The following TPM4 variants were observed in gnomAD, a reference collection of about 807,000 sequenced individuals.
TPM4 encodes the protein tropomyosin alpha-4 chain.
In TPM4, 17 loss-of-function variants were observed where a neutral mutation model predicts 35.8. The ratio of observed to expected loss-of-function variants is 0.47; its 90% CI spans 0.32 to 0.71. TPM4 has a LOEUF of 0.71. TPM4 is among the 30% of genes least tolerant of loss of function. The pLI is 0.03. For missense variants in TPM4, 240 were observed against 320.9 expected (o/e 0.75, Z 1.93); for synonymous variants, 120 against 122.9 (o/e 0.98, Z 0.15).
At chr19:16,081,053 C>T (rs2090476569) in intron 1 of TPM4, 1 of 398,592 alleles carries the variant, frequency 2.5e-6, no homozygotes. Context: ...TCCAACGAGG[C>T]TCCCCCGCCT....
chr19:16,085,982 T>C (rs2090545803), intron 2 of TPM4, among the ~76,000 whole-genome samples: 1 of 151,316 alleles, frequency 6.6e-6, no homozygotes, highest in Non-Finnish European at 1.5e-5. Context: ...GACAGGAGAA[T>C]TGCTTGAACC....
At chr19:16,077,859 T>A (rs1200096728) in intron 1 of TPM4, 1 of 282,184 alleles carries the variant, frequency 3.5e-6, no homozygotes, top group Non-Finnish European at 6.5e-6. Flanking sequence ...CCCCCCGAGT[T>A]CAAGAGATTC....
chr19:16,095,532 T>G lies in TPM4; in HGVS notation c.664+1779T>G, dbSNP rs142062733. ...TCTTCATGCCCCCTCATTCTCATTT[T>G]CTCCACTTGCTGCCTTTGAGCTGTA... On this transcript the variant is annotated intron_variant, in intron 7 of 7. Transcript: ENST00000643579. 1.0e-4 allele frequency: 106 copies of G among 1,016,328 alleles called. No homozygotes were observed. The African/African-American group carries it at 1.7e-3, about 17-fold the overall frequency. 63.0% of individuals were successfully genotyped at this position (1,016,328 alleles called of 1,614,324 possible).
At chr19:16,091,092 G>A (rs1005819206) in intron 5 of TPM4, among the ~76,000 whole-genome samples, 7 of 151,992 alleles carry the variant, frequency 4.6e-5, no homozygotes, top group East Asian at 1.9e-4. Flanking sequence ...TTGCTCTGTC[G>A]CCCAGGCTGG....
intron 5 of TPM4, among the ~76,000 whole-genome samples, chr19:16,092,192 G>T (rs55801939): frequency 0.029 from 4,299 of 147,308 alleles, 263 homozygotes; most frequent in Admixed American, 0.16. Flanking sequence ...AAAAAAAAAA[G>T]AAAAGAAAAG....
chr19:16,084,554 A>T (rs2090524656), intron 2 of TPM4, among the ~76,000 whole-genome samples: 1 of 152,250 alleles, frequency 6.6e-6, no homozygotes, highest in African/African-American at 2.4e-5. Context: ...TGCGAAGGCC[A>T]GTCTCTTGTT....
intron 7 of TPM4, among the ~76,000 whole-genome samples, chr19:16,094,300 G>A (rs1422606906): frequency 2.0e-5 from 3 of 152,124 alleles, no homozygotes; most frequent in African/African-American, 7.2e-5. Flanking sequence ...TTGGGAGGCC[G>A]AGGCGGGCGG....
chr19:16,094,777 G>A (rs930551332), intron 7 of TPM4, among the ~76,000 whole-genome samples: 4 of 151,976 alleles, frequency 2.6e-5, no homozygotes, highest in Non-Finnish European at 4.4e-5. Flanking sequence ...TTTAACATTC[G>A]GCCTCAGAAA....
chr19:16,080,102 G>A (rs17641735), intron 1 of TPM4: 78,121 of 193,646 alleles, frequency 0.4, 16,481 homozygotes, highest in East Asian at 0.72. Context: ...GTTGAGGCCC[G>A]TTTGACCCGT....
intron 7 of TPM4, chr19:16,095,507 TCTTC>T (rs1435654617): frequency 9.8e-7 from 1 of 1,019,626 alleles, no homozygotes; most frequent in East Asian, 6.5e-5. Flanking sequence ...GCAGTCCTCC[TCTTC>T]ATGCCCCCTC....
chr19:16,068,052 G>T, intron 2 of TPM4: 1 of 429,600 alleles, frequency 2.3e-6, no homozygotes. Context: ...TTGTGTACTA[G>T]ATAGGGCGGT....
At chr19:16,069,616 CTGTG>C (rs530149229) in intron 2 of TPM4, among the ~76,000 whole-genome samples, 4 of 102,638 alleles carry the variant, frequency 3.9e-5, no homozygotes, top group Non-Finnish European at 6.2e-5. Context: ...GTTTCTGTTG[CTGTG>C]TGTGTGTGGG....
In TPM4 at chr19:16,093,882, AG is replaced by A. The variant is rs1382893458; in HGVS notation, c.664+130del. The A allele has an allele frequency of 3.6e-6, 3 of 829,014 alleles. No homozygotes were observed. In the African/African-American group the frequency reaches 5.3e-5, roughly 15 times the overall value. 51.4% of individuals were successfully genotyped at this position (829,014 alleles called of 1,614,324 possible). The stretch of plus-strand genomic sequence containing the variant: ...TTTGCCTTAGGAAAGTAAAGCGCAT[AG>A]TGATGTCATATCTGGATGTCCTGGA... On this transcript the variant is annotated intron_variant, in intron 7 of 7. Transcript: ENST00000643579.
intron 1 of TPM4, among the ~76,000 whole-genome samples, chr19:16,078,567 CACACTTAACCG>C (rs1244925095): frequency 6.6e-6 from 1 of 152,216 alleles, no homozygotes; most frequent in African/African-American, 2.4e-5. Context: ...GCCTCTTTCT[CACACTTAACCG>C]ACACAGCTCT....
chr19:16,087,824 T>C (rs1361163610), intron 3 of TPM4, among the ~76,000 whole-genome samples: 1 of 152,132 alleles, frequency 6.6e-6, no homozygotes, highest in Non-Finnish European at 1.5e-5. Context: ...GAGGTTGCAG[T>C]GAGCCGAGAC....
chr19:16,095,496 G>A (rs764896955), intron 7 of TPM4: 9 of 1,021,350 alleles, frequency 8.8e-6, no homozygotes, highest in Non-Finnish European at 1.1e-5. Context: ...AATAAAGACG[G>A]GCAGTCCTCC....
intron 4 of TPM4, chr19:16,088,451 G>C: frequency 1.8e-6 from 2 of 1,102,008 alleles, no homozygotes; most frequent in Non-Finnish European, 2.2e-6. Context: ...AGGCTCCCCC[G>C]GTCAGTATGT....
chr19:16,079,723 G>A (rs958290307), intron 1 of TPM4: 5 of 184,188 alleles, frequency 2.7e-5, no homozygotes, highest in Admixed American at 1.3e-4. Context: ...TTTTTGAGAC[G>A]GAATCTTGCT....
At chr19:16,079,762 C>T (rs754076732) in intron 1 of TPM4, 2 of 179,774 alleles carry the variant, frequency 1.1e-5, no homozygotes, top group African/African-American at 2.4e-5. Flanking sequence ...TGCAGTGGCG[C>T]GATCTCGGCT....
Sources: allele counts gnomAD v4.1 joint callset (sites outside exome capture counted in the v4.1 genomes callset), GRCh38; gene constraint gnomAD v4.1.1; transcripts MANE v1.5; gene names NCBI Gene and HGNC (gene_info 2026-07-23, HGNC 2026-07-21).